Variants in BRD8 observed in about 807,000 individuals in gnomAD.
BRD8 encodes bromodomain-containing protein 8.
Under a neutral mutation model 143.1 loss-of-function variants are expected in BRD8, and 67 were observed. That is an observed-to-expected ratio of 0.47 (90% CI 0.38 to 0.57). The LOEUF (loss-of-function observed/expected upper bound fraction) is 0.57, where lower values mean the gene tolerates loss of function less well. Ranked by LOEUF, BRD8 falls within the 20% of genes least tolerant of loss-of-function variation. BRD8 has a pLI of 0.00. For missense variants in BRD8, 1,103 were observed against 1,503.0 expected, an observed-to-expected ratio of 0.73 and a Z score of 4.40; for synonymous variants, 505 against 517.1, an observed-to-expected ratio of 0.98 and a Z score of 0.32.
chr5:138,177,609 A>C lies in BRD8; in HGVS notation c.78T>G (p.Cys26Trp). ...TEPWSIREKL[C>W]LASSVMRSGD... Reference sequence around the variant, plus strand: ...CACTTCTCATGACAGAAGATGCTAAACATAGCTTCTCTCGGATGGACCATG... The same window carrying C: ...CACTTCTCATGACAGAAGATGCTAACCATAGCTTCTCTCGGATGGACCATG... Residue 26 changes from cysteine (C) to tryptophan (W), a missense_variant, in exon 2 of 27, where the codon TGT becomes TGG. Around this residue, in one of 7 missense-constraint regions of BRD8, gnomAD observed 69 missense variants for 121.6 expected, o/e 0.57. Transcript: ENST00000254900. 1 of 1,612,674 alleles carries C rather than the reference A, an allele frequency of 6.2e-7. No individual in the cohort carries two copies. Among genetic ancestry groups the C allele is most frequent in the Non-Finnish European group, 8.5e-7 (1 of 1,179,530 alleles).
chr5:138,166,765 A>G (rs773505634), intron 9 of BRD8, 38 bp from the exon 10 acceptor site: 4 of 1,272,992 alleles, frequency 3.1e-6, no homozygotes, highest in Non-Finnish European at 4.6e-6. Context: ...AAGTAAGAAG[A>G]AAGCACATAA....
chr5:138,154,805 C>T (rs964895550), intron 20 of BRD8, among the ~76,000 whole-genome samples: 5 of 150,748 alleles, frequency 3.3e-5, no homozygotes, highest in African/African-American at 1.2e-4. Context: ...TCATCATAGC[C>T]ATGTTTATAA....
chr5:138,145,029 C>G (rs1280468919), intron 25 of BRD8, 148 bp downstream of exon 25: 4 of 761,812 alleles, frequency 5.3e-6, no homozygotes, highest in African/African-American at 1.8e-5. Context: ...AGATATGATA[C>G]TGAGCTCATC....
At chr5:138,165,726 C>CAAAAAAAAAAAAAAAAAAAAAAAAAAAA (rs374362323) in intron 11 of BRD8, 102 bp downstream of exon 11, 1 of 833,916 alleles carries the variant, frequency 1.2e-6, no homozygotes, top group Non-Finnish European at 1.6e-6. Context: ...ACTCTGTCTC[C>CAAAAAAAAAAAAAAAAAAAAAAAAAAAA]AAAAAAAAAA....
At chr5:138,159,466 G>T in intron 20 of BRD8, 89 bp downstream of exon 20, 3 of 1,351,672 alleles carry the variant, frequency 2.2e-6, no homozygotes, top group Admixed American at 1.7e-5. Context: ...GCCACAGTCT[G>T]CATGTTGGAT....
intron 26 of BRD8, 44 bp downstream of exon 26, chr5:138,140,661 C>T (rs768615608): frequency 1.3e-6 from 2 of 1,586,508 alleles, no homozygotes; most frequent in African/African-American, 2.7e-5. Context: ...CATAGGCGTT[C>T]TGAAATCAAG....
chr5:138,169,474 A>G (rs1459352985), intron 7 of BRD8, 116 bp from the exon 8 acceptor site: 5 of 1,233,976 alleles, frequency 4.1e-6, no homozygotes, highest in African/African-American at 3.0e-5. Context: ...CTAAAGCAGC[A>G]TAATAAGTTT....
chr5:138,166,699 T>C lies in BRD8; in HGVS notation c.816A>G (p.Glu272=), dbSNP rs1279493945. ...GTGTGGTGAACTGTGTAGGACCAGC[T>C]TCTAAAAGCCGGGAAAGAGTGGGAG... ...SGAPTLSRLL[E]AGPTQFTTPL... The change falls in exon 10 of 27, where the codon GAA becomes GAG. Residue 272 remains glutamate (E), a synonymous_variant. Coordinates refer to ENST00000254900, the MANE Select transcript of BRD8 (RefSeq NM_139199.2). 6.2e-7 allele frequency: 1 copy of C among 1,613,494 alleles called. No individual in the cohort carries two copies. The highest frequency in any genetic ancestry group is 1.7e-5 in the Admixed American group (1 of 59,968).
chr5:138,163,992 G>A, intron 14 of BRD8, 95 bp downstream of exon 14: 1 of 1,412,546 alleles, frequency 7.1e-7, no homozygotes, highest in Non-Finnish European at 9.9e-7. Flanking sequence ...TCTTATCAGA[G>A]AATAAAGATG....
At chr5:138,159,678 C>A (rs749453299) in intron 19 of BRD8, 79 bp from the exon 20 acceptor site, 1 of 1,367,022 alleles carries the variant, frequency 7.3e-7, no homozygotes, top group Non-Finnish European at 1.0e-6. Flanking sequence ...AGGACAGAGA[C>A]ACAAGCACCA....
intron 7 of BRD8, among the ~76,000 whole-genome samples, chr5:138,169,608 T>C (rs1039103874): frequency 6.6e-6 from 1 of 152,222 alleles, no homozygotes; most frequent in African/African-American, 2.4e-5. Context: ...CCAAAGGTCC[T>C]TGGAGTGGGA....
intron 25 of BRD8, among the ~76,000 whole-genome samples, chr5:138,141,679 A>G (rs1412921591): frequency 4.6e-5 from 7 of 152,222 alleles, no homozygotes; most frequent in Non-Finnish European, 7.3e-5. Context: ...TATTTCATCT[A>G]CTTCTCTTAC....
intron 15 of BRD8, among the ~76,000 whole-genome samples, chr5:138,162,735 G>A (rs1240314994): frequency 2.0e-5 from 3 of 151,964 alleles, no homozygotes; most frequent in East Asian, 1.9e-4. Flanking sequence ...GGTGTCTCAC[G>A]CCTGTAATCT....
chr5:138,178,537 A>G (rs1754551168), intron 1 of BRD8, 59 bp downstream of exon 1: 2 of 1,513,746 alleles, frequency 1.3e-6, no homozygotes, highest in South Asian at 1.1e-5. Context: ...TAACAAAAAT[A>G]TGGTGCCTAG....
At chr5:138,159,086 C>A (rs1314037127) in intron 20 of BRD8, among the ~76,000 whole-genome samples, 2 of 152,132 alleles carry the variant, frequency 1.3e-5, no homozygotes, top group Admixed American at 6.6e-5. Context: ...CCACCACACC[C>A]AGCCTATACT....
At chr5:138,145,056 G>A in intron 25 of BRD8, 121 bp downstream of exon 25, 1 of 1,004,156 alleles carries the variant, frequency 1.0e-6, no homozygotes, top group South Asian at 1.6e-5. Context: ...TTATAAACTT[G>A]TTTGGCTATG....
At chr5:138,171,236 C>T (rs980397767) in intron 4 of BRD8, 76 bp from the exon 5 acceptor site, 2 of 1,464,894 alleles carry the variant, frequency 1.4e-6, no homozygotes, top group African/African-American at 1.4e-5. Context: ...GCTTTTACCA[C>T]TTAATCATAG....
intron 9 of BRD8, among the ~76,000 whole-genome samples, chr5:138,167,440 T>C (rs1380021888): frequency 6.6e-6 from 1 of 152,188 alleles, no homozygotes; most frequent in Non-Finnish European, 1.5e-5. Context: ...TTGTATGGTA[T>C]TCTATGGAGC....
At chr5:138,168,902 ACCTG>A (rs998442514) in intron 8 of BRD8, among the ~76,000 whole-genome samples, 26 of 152,134 alleles carry the variant, frequency 1.7e-4, no homozygotes, top group African/African-American at 6.0e-4. Flanking sequence ...ATCCCACCCA[ACCTG>A]CCTTTTATGA....
Sources: allele counts gnomAD v4.1 joint callset (sites outside exome capture counted in the v4.1 genomes callset), GRCh38; gene constraint gnomAD v4.1.1; regional missense constraint gnomAD v4.1.1; transcripts MANE v1.5; gene names NCBI Gene and HGNC (gene_info 2026-07-23, HGNC 2026-07-21).